The following TMEFF2 variants were observed in gnomAD, a reference collection of about 807,000 sequenced individuals.
TMEFF2 encodes transmembrane protein with EGF like and two follistatin like domains 2, also known as tomoregulin-2.
Under a neutral mutation model 53.8 loss-of-function variants are expected in TMEFF2, and 28 were observed. The observed-to-expected ratio is 0.52, with a 90% confidence interval of 0.39 to 0.71. TMEFF2 has a LOEUF of 0.71. Among genes scored for constraint, TMEFF2 ranks in the 30% least tolerant of loss-of-function variants. The pLI, the probability that TMEFF2 is intolerant of heterozygous loss-of-function variation, is 0.00. For synonymous variants in TMEFF2, 162 were observed against 166.3 expected (o/e 0.97, Z 0.20); for missense variants, 353 against 455.2 (o/e 0.78, Z 2.04).
At chr2:192,065,396 A>G (rs920632597) in intron 4 of TMEFF2, among the ~76,000 whole-genome samples, 1 of 151,852 alleles carries the variant, frequency 6.6e-6, no homozygotes, top group Non-Finnish European at 1.5e-5. Flanking sequence ...CAGTCCCTGA[A>G]ACTAACAGGT....
At chr2:192,095,982 T>C (rs1005342278) in intron 4 of TMEFF2, among the ~76,000 whole-genome samples, 6 of 152,208 alleles carry the variant, frequency 3.9e-5, no homozygotes, top group Non-Finnish European at 7.3e-5. Context: ...ACATTTGTAG[T>C]GGCTTAGTCT....
intron 4 of TMEFF2, among the ~76,000 whole-genome samples, chr2:192,076,369 G>A (rs1688432493): frequency 6.6e-6 from 1 of 151,978 alleles, no homozygotes; most frequent in Non-Finnish European, 1.5e-5. Context: ...TTGGGAGCAT[G>A]CACCACAAAT....
chr2:191,990,800 CAT>C (rs1010123296), intron 7 of TMEFF2, among the ~76,000 whole-genome samples: 37 of 151,102 alleles, frequency 2.4e-4, no homozygotes, highest in African/African-American at 8.3e-4. Flanking sequence ...GAATTATTGA[CAT>C]GTGAACATTA....
At chr2:192,042,958 C>T (rs1687521084) in intron 5 of TMEFF2, among the ~76,000 whole-genome samples, 1 of 152,178 alleles carries the variant, frequency 6.6e-6, no homozygotes, top group Non-Finnish European at 1.5e-5. Context: ...TCTAGGACCA[C>T]TCTTCTCTGC....
At chr2:192,178,527 A>AG (rs1171235373) in intron 4 of TMEFF2, 1 of 150,166 alleles carries the variant, frequency 6.7e-6, no homozygotes, top group East Asian at 2.0e-4. Context: ...TCTTTAGGAA[A>AG]AAAATTGTGT....
chr2:191,991,922 A>T (rs12995362), intron 7 of TMEFF2, among the ~76,000 whole-genome samples: 28,385 of 152,030 alleles, frequency 0.19, 2,745 homozygotes, highest in Middle Eastern at 0.22. Context: ...TGGCTACATG[A>T]TTTTATGGGG....
chr2:192,112,488 A>G (rs13010893), intron 4 of TMEFF2, among the ~76,000 whole-genome samples: 50,905 of 152,132 alleles, frequency 0.33, 10,496 homozygotes, highest in Non-Finnish European at 0.48. Flanking sequence ...GTATCCAGGA[A>G]GAAACTAACT....
At chr2:192,096,082 T>C (rs916917183) in intron 4 of TMEFF2, among the ~76,000 whole-genome samples, 1 of 152,178 alleles carries the variant, frequency 6.6e-6, no homozygotes, top group African/African-American at 2.4e-5. Context: ...GAACACTTAC[T>C]GGCAGGAAAA....
chr2:192,128,494 T>C (rs2105974028), intron 4 of TMEFF2, among the ~76,000 whole-genome samples: 1 of 152,294 alleles, frequency 6.6e-6, no homozygotes, highest in African/African-American at 2.4e-5. Context: ...ATCTTAAAAA[T>C]GAATTCCTGA....
chr2:191,955,793 C>T (rs1442453922), intron 8 of TMEFF2, among the ~76,000 whole-genome samples: 9 of 151,794 alleles, frequency 5.9e-5, no homozygotes, highest in Non-Finnish European at 2.9e-5. Flanking sequence ...GAATGCCTGG[C>T]AAAACAAGGA....
chr2:192,070,960 G>A (rs1276148386), intron 4 of TMEFF2, among the ~76,000 whole-genome samples: 1 of 151,796 alleles, frequency 6.6e-6, no homozygotes, highest in Non-Finnish European at 1.5e-5. Flanking sequence ...GAGTTGTCGA[G>A]TGGAAAGTGA....
intron 4 of TMEFF2, among the ~76,000 whole-genome samples, chr2:192,176,049 A>G (rs1288269985): frequency 6.6e-6 from 1 of 151,448 alleles, no homozygotes; most frequent in Non-Finnish European, 1.5e-5. Context: ...TTCTTCCTGC[A>G]GTATTTGTTG....
chr2:192,125,142 A>T (rs1164542261), intron 4 of TMEFF2, among the ~76,000 whole-genome samples: 1 of 152,186 alleles, frequency 6.6e-6, no homozygotes, highest in Admixed American at 6.5e-5. Flanking sequence ...TATTTTTAAA[A>T]GTTTTCTCAG....
intron 5 of TMEFF2, among the ~76,000 whole-genome samples, chr2:192,030,013 G>T: frequency 6.6e-6 from 1 of 152,106 alleles, no homozygotes; most frequent in East Asian, 1.9e-4. Flanking sequence ...GAATAAAAAA[G>T]GCAAATAATA....
intron 4 of TMEFF2, among the ~76,000 whole-genome samples, chr2:192,162,033 T>C (rs1690646881): frequency 6.6e-6 from 1 of 152,174 alleles, no homozygotes; most frequent in African/African-American, 2.4e-5. Flanking sequence ...GAAAAAGGAA[T>C]AGAAGGATGC....
chr2:192,069,381 T>C (rs1688234053), intron 4 of TMEFF2, among the ~76,000 whole-genome samples: 1 of 151,662 alleles, frequency 6.6e-6, no homozygotes, highest in South Asian at 2.1e-4. Context: ...ACATACTTCA[T>C]TTTAAATCAT....
intron 4 of TMEFF2, among the ~76,000 whole-genome samples, chr2:192,125,482 T>A (rs1391101944): frequency 1.3e-5 from 2 of 152,166 alleles, no homozygotes; most frequent in Non-Finnish European, 2.9e-5. Flanking sequence ...ATTTTTAAGA[T>A]CATCAAGAAT....
At chr2:192,112,365 A>C (rs2105956681) in intron 4 of TMEFF2, among the ~76,000 whole-genome samples, 1 of 152,286 alleles carries the variant, frequency 6.6e-6, no homozygotes, top group South Asian at 2.1e-4. Context: ...TGGAGCTTTA[A>C]GATTTTACTG....
At chr2:192,011,000 T>C (rs187386590) in intron 5 of TMEFF2, among the ~76,000 whole-genome samples, 1 of 152,364 alleles carries the variant, frequency 6.6e-6, no homozygotes, top group African/African-American at 2.4e-5. Flanking sequence ...CCTAAATCTA[T>C]CATTCACTCA....
Sources: gnomAD v4.1 joint callset for allele counts (sites outside exome capture counted in the v4.1 genomes callset) on GRCh38, gnomAD v4.1.1 for gene constraint, MANE v1.5 for transcripts, NCBI Gene and HGNC (gene_info 2026-07-23, HGNC 2026-07-21) for gene names.